CCSER1: variants seen among roughly 807,000 people sequenced by gnomAD.
CCSER1 encodes serine-rich coiled-coil domain-containing protein 1.
A neutral mutation model predicts 82.0 loss-of-function variants in CCSER1; 41 were observed. The observed-to-expected ratio is 0.50, with a 90% confidence interval of 0.39 to 0.65. The LOEUF (loss-of-function observed/expected upper bound fraction) is 0.65, where lower values mean the gene tolerates loss of function less well. Among genes scored for constraint, CCSER1 ranks in the 30% least tolerant of loss-of-function variants. The pLI is 0.00. For synonymous variants in CCSER1, 414 were observed against 383.9 expected (o/e 1.08, Z -0.92); for missense variants, 1,119 against 1,064.2 (o/e 1.05, Z -0.72).
chr4:91,148,312 T>C (rs374742332), intron 10 of CCSER1, among the ~76,000 whole-genome samples: 1 of 152,090 alleles, frequency 6.6e-6, no homozygotes, highest in Non-Finnish European at 1.5e-5. Context: ...CAAAAGTTCA[T>C]TGAGCTCTTA....
intron 9 of CCSER1, among the ~76,000 whole-genome samples, chr4:91,050,634 G>T (rs751490392): frequency 1.1e-4 from 17 of 152,116 alleles, no homozygotes; most frequent in Non-Finnish European, 2.2e-4. Flanking sequence ...CTCTGCCAAT[G>T]TAATTAGCTT....
At chr4:91,273,974 C>T (rs1199117552) in intron 10 of CCSER1, among the ~76,000 whole-genome samples, 1 of 152,100 alleles carries the variant, frequency 6.6e-6, no homozygotes, top group African/African-American at 2.4e-5. Context: ...CACTCCAACA[C>T]AAGTATCACT....
chr4:91,014,107 T>C lies in CCSER1; in HGVS notation c.2173-71843T>C, dbSNP rs565157437. Among the ~76,000 whole-genome samples the C allele has an allele frequency of 3.8e-5, 5 of 133,292 alleles. 1 individual carries two copies. Among genetic ancestry groups the C allele is most frequent in the Non-Finnish European group, 8.7e-5 (5 of 57,504 alleles). The allele number at this position is 133,292 out of a possible 152,430, so 87.4% of individuals were successfully genotyped here. A position where few individuals can be genotyped will look rare whatever the true frequency, so the allele number is the denominator to read the frequency against. ...CACTTAATGCTTGGAAGAGTGAGAT[T>C]TTTAGGAAAAATATTCTTTAGCGGG... is the stretch of plus-strand genomic sequence containing the variant. On this transcript the variant is annotated intron_variant, in intron 9 of 10. Transcript: ENST00000509176.
At chr4:90,143,329 A>G (rs1725159650) in intron 1 of CCSER1, among the ~76,000 whole-genome samples, 1 of 152,154 alleles carries the variant, frequency 6.6e-6, no homozygotes, top group South Asian at 2.1e-4. Context: ...ACCATGTACC[A>G]TATACCTTTC....
At chr4:91,419,449 CA>C (rs1301796711) in intron 10 of CCSER1, among the ~76,000 whole-genome samples, 1 of 151,834 alleles carries the variant, frequency 6.6e-6, no homozygotes, top group Admixed American at 6.6e-5. Flanking sequence ...ATTAAGAAAA[CA>C]ATTTCAGTTA....
At chr4:90,485,927 G>A (rs1014672463) in intron 5 of CCSER1, among the ~76,000 whole-genome samples, 3 of 151,860 alleles carry the variant, frequency 2.0e-5, no homozygotes, top group African/African-American at 4.8e-5. Context: ...GTATATACTG[G>A]CTAACTTCTA....
chr4:90,574,153 G>GT (rs565151235), intron 5 of CCSER1, among the ~76,000 whole-genome samples: 107 of 115,034 alleles, frequency 9.3e-4, no homozygotes, highest in African/African-American at 2.4e-3. Context: ...AGTATTTCTT[G>GT]TTTTTTTTTA....
chr4:90,461,356 C>A (rs367709296), intron 4 of CCSER1, among the ~76,000 whole-genome samples: 1 of 117,178 alleles, frequency 8.5e-6, no homozygotes, highest in East Asian at 2.0e-4. Context: ...CGTGAGCCAC[C>A]GCGCCCGGCC....
intron 3 of CCSER1, among the ~76,000 whole-genome samples, chr4:90,394,444 A>C (rs1751671189): frequency 1.3e-5 from 2 of 152,168 alleles, no homozygotes; most frequent in African/African-American, 4.8e-5. Flanking sequence ...AAAGATTTGT[A>C]AATGTCTCCT....
chr4:91,297,806 C>A (rs899811470), intron 10 of CCSER1, among the ~76,000 whole-genome samples: 4 of 151,852 alleles, frequency 2.6e-5, no homozygotes, highest in African/African-American at 4.8e-5. Flanking sequence ...AAAGGAAAAA[C>A]CATTTTAAAG....
At chr4:90,690,603 T>G (rs1340329275) in intron 6 of CCSER1, among the ~76,000 whole-genome samples, 1 of 152,112 alleles carries the variant, frequency 6.6e-6, no homozygotes, top group African/African-American at 2.4e-5. Flanking sequence ...CCTAGCCTAA[T>G]TTCCTCATCT....
chr4:91,152,301 G>C (rs1730299179), intron 10 of CCSER1, among the ~76,000 whole-genome samples: 1 of 152,046 alleles, frequency 6.6e-6, no homozygotes, highest in Non-Finnish European at 1.5e-5. Flanking sequence ...TGCAACCCCT[G>C]CTCCCCTTTG....
At chr4:91,245,206 G>A (rs1354792620) in intron 10 of CCSER1, among the ~76,000 whole-genome samples, 2 of 152,250 alleles carry the variant, frequency 1.3e-5, no homozygotes, top group East Asian at 1.9e-4. Flanking sequence ...GGTAGAGAAA[G>A]ATATAGTGGT....
Position 91,368,122 on chromosome 4 carries a change from A to AT in CCSER1, c.2218-230440dup, listed in dbSNP as rs555410766. 8.0e-3 allele frequency among the ~76,000 whole-genome samples: 1,196 copies of AT among 149,808 alleles called. 9 individuals are homozygous for AT. Among genetic ancestry groups the AT allele is most frequent in the Middle Eastern group, 0.048 (14 of 290 alleles). On this transcript the variant is annotated intron_variant, in intron 10 of 10. Coordinates refer to ENST00000509176, the MANE Select transcript of CCSER1 (RefSeq NM_001145065.2). ...AATAATTTCTTAGCTTGCATGAAGT[A>AT]TTTTTTTTTTATTTCTGCATTTCCC...
chr4:90,956,961 T>G (rs1281579470), intron 9 of CCSER1, among the ~76,000 whole-genome samples: 1 of 142,162 alleles, frequency 7.0e-6, no homozygotes, highest in Admixed American at 7.2e-5. Flanking sequence ...TTTTTTTTTG[T>G]AGAGACAGGA....
chr4:90,179,963 A>G (rs1367399211), intron 1 of CCSER1, among the ~76,000 whole-genome samples: 3 of 152,096 alleles, frequency 2.0e-5, no homozygotes, highest in South Asian at 2.1e-4. Context: ...ATAAGTAAGG[A>G]AAGTTGAAGC....
At chr4:90,734,483 A>G (rs957427182) in intron 7 of CCSER1, among the ~76,000 whole-genome samples, 9 of 151,718 alleles carry the variant, frequency 5.9e-5, no homozygotes, top group Admixed American at 2.0e-4. Context: ...ATCCTCTTCA[A>G]TTTATTTTAT....
chr4:91,030,610 A>G (rs1313731372), intron 9 of CCSER1, among the ~76,000 whole-genome samples: 3 of 152,100 alleles, frequency 2.0e-5, no homozygotes, highest in Non-Finnish European at 4.4e-5. Context: ...TGAAAAAGGG[A>G]ACAGGAGTTT....
intron 3 of CCSER1, among the ~76,000 whole-genome samples, chr4:90,327,164 G>T (rs1394204382): frequency 1.3e-5 from 2 of 152,070 alleles, no homozygotes; most frequent in African/African-American, 4.8e-5. Flanking sequence ...AGGGAAAATG[G>T]ATCACAGGCT....
Sources: gnomAD v4.1 joint callset for allele counts (sites outside exome capture counted in the v4.1 genomes callset) on GRCh38, gnomAD v4.1.1 for gene constraint, MANE v1.5 for transcripts, NCBI Gene and HGNC (gene_info 2026-07-23, HGNC 2026-07-21) for gene names.